Variants in NR4A1 observed in about 807,000 individuals in gnomAD.
The protein encoded by NR4A1 is nuclear receptor subfamily 4immunitygroup A member 1.
A neutral mutation model predicts 47.5 loss-of-function variants in NR4A1; 24 were observed. The ratio of observed to expected loss-of-function variants is 0.50; its 90% CI spans 0.37 to 0.71. The LOEUF is 0.71. NR4A1 is among the 30% of genes least tolerant of loss of function. The pLI, the probability that NR4A1 is intolerant of heterozygous loss-of-function variation, is 0.00. For synonymous variants in NR4A1, 353 were observed against 345.7 expected, an observed-to-expected ratio of 1.02 and a Z score of -0.24; for missense variants, 669 against 788.6, an observed-to-expected ratio of 0.85 and a Z score of 1.82.
intron 1 of NR4A1, among the ~76,000 whole-genome samples, chr12:52,040,886 C>T (rs1565642925): frequency 6.6e-6 from 1 of 152,166 alleles, no homozygotes; most frequent in Non-Finnish European, 1.5e-5. Flanking sequence ...GTCCTGCCCT[C>T]ACTCTGGTGC....
At chr12:52,056,002 G>A in intron 2 of NR4A1, 28 bp from the exon 3 acceptor site, 1 of 845,552 alleles carries the variant, frequency 1.2e-6, no homozygotes, top group South Asian at 3.1e-5. Flanking sequence ...CACTCTGACA[G>A]CTTGTTCCGT....
intron 1 of NR4A1, among the ~76,000 whole-genome samples, chr12:52,039,053 A>G (rs1479521199): frequency 7.2e-5 from 11 of 152,206 alleles, no homozygotes; most frequent in Admixed American, 3.3e-4. Context: ...AGTTTTGCCA[A>G]TTCCTAGCTG....
intron 2 of NR4A1, chr12:52,044,020 A>T: frequency 1.0e-6 from 1 of 969,096 alleles, no homozygotes; most frequent in Non-Finnish European, 1.4e-6. Context: ...GGGAGGAAGC[A>T]AGGGTGGCCG....
At chr12:52,033,197 C>G (rs1283182075) in intron 1 of NR4A1, among the ~76,000 whole-genome samples, 1 of 152,188 alleles carries the variant, frequency 6.6e-6, no homozygotes, top group Non-Finnish European at 1.5e-5. Flanking sequence ...CGGCCGCCCC[C>G]GGGAGCGCAG....
At chr12:52,030,128 AG>A (rs1193631367) in intron 1 of NR4A1, among the ~76,000 whole-genome samples, 2 of 152,238 alleles carry the variant, frequency 1.3e-5, no homozygotes, top group African/African-American at 4.8e-5. Flanking sequence ...CAAGGTCTTC[AG>A]GGAATGCTGC....
chr12:52,027,038 G>T (rs1938013573), intron 1 of NR4A1, among the ~76,000 whole-genome samples: 2 of 152,326 alleles, frequency 1.3e-5, no homozygotes, highest in Admixed American at 6.5e-5. Context: ...AGGCACAGTG[G>T]CTGTCCACAG....
upstream of NR4A1, among the ~76,000 whole-genome samples, chr12:52,051,155 G>T (rs910719422): frequency 6.6e-6 from 1 of 152,214 alleles, no homozygotes; most frequent in African/African-American, 2.4e-5. Flanking sequence ...TATTTTTAGC[G>T]GGCGCGGCGG....
chr12:52,024,584 C>G (rs1345314313), intron 1 of NR4A1, among the ~76,000 whole-genome samples: 1 of 152,152 alleles, frequency 6.6e-6, no homozygotes, highest in Admixed American at 6.5e-5. Flanking sequence ...ACTGGAGAGG[C>G]TGAGATGGGA....
chr12:52,042,496 C>T lies in NR4A1; in HGVS notation c.37+567C>T, dbSNP rs546360944. 2.3e-4 allele frequency among the ~76,000 whole-genome samples: 35 copies of T among 152,232 alleles called. No individual in the cohort carries two copies. The South Asian group carries it at 7.3e-3, about 32-fold the overall frequency. Reference sequence around the variant, plus strand: ...GAATGGGAAGGCAGGGACAGCCCTTCCACTACTGGTGTTCTAGCACATCTC... The same window carrying T: ...GAATGGGAAGGCAGGGACAGCCCTTTCACTACTGGTGTTCTAGCACATCTC... On this transcript the variant is annotated intron_variant, in intron 2 of 7. Coordinates refer to the NR4A1 transcript ENST00000360284.
chr12:52,046,863 G>A (rs1016739132), upstream of NR4A1, among the ~76,000 whole-genome samples: 3 of 152,102 alleles, frequency 2.0e-5, no homozygotes, highest in African/African-American at 7.2e-5. Context: ...GGCGCTTGTA[G>A]TCCCAGCTAC....
In NR4A1 at chr12:52,052,565, G is replaced by A. The variant is rs902830029; in HGVS notation, c.-3+997G>A. ...ACATTGTTGCCAAGACCTGCCTGAAGCCGGATTCTCCCCACTGCCTCCTTC... is the reference window on the plus strand; with the variant it reads ...ACATTGTTGCCAAGACCTGCCTGAAACCGGATTCTCCCCACTGCCTCCTTC... On this transcript the variant is annotated intron_variant, in intron 1 of 6. Transcript: ENST00000394825. 1.2e-5 allele frequency: 12 copies of A among 985,478 alleles called. No individual in the cohort carries two copies. In the South Asian group the frequency reaches 4.7e-4, roughly 39 times the overall value. 61.0% of individuals were successfully genotyped at this position (985,478 alleles called of 1,614,324 possible).
intron 1 of NR4A1, among the ~76,000 whole-genome samples, chr12:52,028,094 C>T (rs1216190466): frequency 6.9e-5 from 10 of 144,642 alleles, no homozygotes; most frequent in Admixed American, 5.6e-4. Context: ...CCCAGCTACT[C>T]GGGAGTTTGA....
At chr12:52,045,473 A>G (rs1364591574) in intron 2 of NR4A1, 3 of 448,860 alleles carry the variant, frequency 6.7e-6, no homozygotes, top group South Asian at 1.6e-5. Flanking sequence ...CTCACTTGCC[A>G]TTACAGGTTT....
intron 1 of NR4A1, chr12:52,037,853 G>A: frequency 1.0e-6 from 1 of 985,438 alleles, no homozygotes; most frequent in Non-Finnish European, 1.2e-6. Context: ...GGGTCTCGTG[G>A]AGTCAGGCGG....
upstream of NR4A1, among the ~76,000 whole-genome samples, chr12:52,049,704 T>C (rs1241881132): frequency 6.6e-6 from 1 of 152,088 alleles, no homozygotes; most frequent in African/African-American, 2.4e-5. Context: ...ACCCAAGAGA[T>C]GTTCCAAAAA....
In NR4A1 at chr12:52,054,781, C is replaced by G; in HGVS notation, c.453C>G (p.Leu151=). The change falls in exon 2 of 7, where the codon CTC becomes CTG. Residue 151 remains leucine, a synonymous_variant. Transcript: ENST00000394825. ...CGCCCAGCTTCCAGCCGCCCCAGCTCTCTCCCTGGGATGGCTCCTTCGGCC... is the reference window on the plus strand; with the variant it reads ...CGCCCAGCTTCCAGCCGCCCCAGCTGTCTCCCTGGGATGGCTCCTTCGGCC... The part of the protein sequence containing the change: ...PSTPSFQPPQ[L]SPWDGSFGHF... 6.2e-7 allele frequency: 1 copy of G among 1,612,990 alleles called. No homozygotes were observed. The highest frequency in any genetic ancestry group is 8.5e-7 in the Non-Finnish European group (1 of 1,179,988).
At chr12:52,046,780 G>A (rs1938662350), upstream of NR4A1, among the ~76,000 whole-genome samples, 1 of 152,118 alleles carries the variant, frequency 6.6e-6, no homozygotes, top group Admixed American at 6.5e-5. Context: ...TCAGGAGATC[G>A]AGACCATCCT....
intron 1 of NR4A1, among the ~76,000 whole-genome samples, chr12:52,024,382 T>C (rs1344247725): frequency 2.0e-5 from 3 of 152,206 alleles, no homozygotes; most frequent in Admixed American, 6.5e-5. Context: ...CTGCCTTTTT[T>C]TCTCTCTCTC....
chr12:52,037,080 C>A (rs1938260784), intron 1 of NR4A1: 1 of 151,046 alleles, frequency 6.6e-6, no homozygotes, highest in Non-Finnish European at 1.5e-5. Context: ...CGGCCGCCGC[C>A]GCCGGGATTC....
Sources: gnomAD v4.1 joint callset for allele counts (sites outside exome capture counted in the v4.1 genomes callset) on GRCh38, gnomAD v4.1.1 for gene constraint, MANE v1.5 for transcripts, NCBI Gene and HGNC (gene_info 2026-07-23, HGNC 2026-07-21) for gene names.